The following MESD variants were observed in gnomAD, a reference collection of about 807,000 sequenced individuals.
MESD encodes LRP chaperone MESD.
MESD carries 7 observed loss-of-function variants against 12.9 expected under a neutral mutation model. That is an observed-to-expected ratio of 0.54 (90% CI 0.31 to 1.02). The LOEUF is 1.02. Among genes scored for constraint, MESD ranks in the 50% least tolerant of loss-of-function variants. MESD has a pLI of 0.05. For synonymous variants in MESD, 126 were observed against 115.6 expected (o/e 1.09, Z -0.58); for missense variants, 342 against 296.7 (o/e 1.15, Z -1.12).
At chr15:80,971,653 G>T (rs970609594), downstream of MESD, among the ~76,000 whole-genome samples, 3 of 151,938 alleles carry the variant, frequency 2.0e-5, no homozygotes, top group South Asian at 4.1e-4. Flanking sequence ...TCCAGCCAGG[G>T]TCTCACTCTG....
At position 80,979,380 on chromosome 15, in the gene MESD, C is replaced by G. The variant is rs1902512119; in HGVS notation, c.544G>C (p.Asp182His). The G allele has an allele frequency of 2.5e-6, 4 of 1,614,184 alleles. No individual in the cohort carries two copies. The highest frequency in any genetic ancestry group is 1.6e-4 in the Middle Eastern group (1 of 6,062). ...TACACCTGGCCCTCCAGAGTTACAT[C>G]AGCACACCTGTCTTGACCGACCAAA... ...DFLVGQDRCADVTLEGQVYPG... is the reference protein window; with the variant it reads ...DFLVGQDRCAHVTLEGQVYPG... Residue 182 changes from aspartate (D) to histidine (H), a missense_variant, in exon 3 of 3, where the codon GAT becomes CAT. By Grantham distance (81) the Asp-to-His change is moderately conservative. Transcript: ENST00000261758.
In MESD at chr15:80,979,204, G is replaced by A. The variant is rs531071150; in HGVS notation, c.*15C>T. 21 of 1,609,438 alleles carry A rather than the reference G, an allele frequency of 1.3e-5. No homozygotes were observed. Among genetic ancestry groups the A allele is most frequent in the Admixed American group, 5.0e-5 (3 of 59,588 alleles). On this transcript the variant is annotated 3_prime_UTR_variant, in exon 3 of 3. Coordinates refer to ENST00000261758, the MANE Select transcript of MESD (RefSeq NM_015154.3). Reference sequence around the variant, plus strand: ...ACGTCCACCTGTCCCCCCACAGCGCGTCACTGCTGCCCCATCACAGGTCTT... The same window carrying A: ...ACGTCCACCTGTCCCCCCACAGCGCATCACTGCTGCCCCATCACAGGTCTT...
downstream of MESD, among the ~76,000 whole-genome samples, chr15:80,975,215 A>G (rs924653198): frequency 6.7e-6 from 1 of 148,654 alleles, no homozygotes; most frequent in African/African-American, 2.5e-5. Context: ...CTCCAAAAAA[A>G]AAAAACAAAA....
chr15:80,970,063 G>T (rs140619787), intron 3 of MESD, among the ~76,000 whole-genome samples: 8 of 152,274 alleles, frequency 5.3e-5, no homozygotes, highest in African/African-American at 1.9e-4. Context: ...ATTTCCAAGA[G>T]AATTCAGAGA....
chr15:80,948,287 T>G, exon 5 of MESD: 1 of 205,100 alleles, frequency 4.9e-6, no homozygotes, highest in Non-Finnish European at 1.0e-5. Flanking sequence ...GGGTTTAGAG[T>G]TCTAATCTGG....
chr15:80,970,846 A>C (rs986847416), downstream of MESD, among the ~76,000 whole-genome samples: 1 of 152,200 alleles, frequency 6.6e-6, no homozygotes, highest in African/African-American at 2.4e-5. Flanking sequence ...AAAATGACTA[A>C]GAGGAAATGT....
At chr15:80,965,992 G>A (rs1251669835) in intron 3 of MESD, among the ~76,000 whole-genome samples, 5 of 152,112 alleles carry the variant, frequency 3.3e-5, no homozygotes, top group African/African-American at 1.2e-4. Context: ...TGGCTAAATT[G>A]AGGTATAGCC....
At position 80,978,956 on chromosome 15, in the gene MESD, C is replaced by G. The variant is rs1396706014; in HGVS notation, c.*263G>C. On this transcript the variant is annotated 3_prime_UTR_variant, in exon 3 of 3. Coordinates refer to ENST00000261758, the MANE Select transcript of MESD (RefSeq NM_015154.3). ...CAAGTGTAAATGGGAAAAAGCAACACAGTCACATTTCCATGTAAGGAGATT... is the reference window on the plus strand; with the variant it reads ...CAAGTGTAAATGGGAAAAAGCAACAGAGTCACATTTCCATGTAAGGAGATT... 1 of 510,130 alleles carries G rather than the reference C, an allele frequency of 2.0e-6. No individual in the cohort carries two copies. Among genetic ancestry groups the G allele is most frequent in the Non-Finnish European group, 3.4e-6 (1 of 290,338 alleles). The allele number at this position is 510,130 out of a possible 1,614,324, so 31.6% of individuals were successfully genotyped here. A position where few individuals can be genotyped will look rare whatever the true frequency, so the allele number is the denominator to read the frequency against.
At position 80,964,645 on chromosome 15, in the gene MESD, C is replaced by T. The variant is rs146408019; in HGVS notation, c.*289-12349G>A. ...ATAAACCAATGAAACAGAACAGAGG[C>T]CTGAGAAATAACACCACACATCTAC... On this transcript the variant is annotated intron_variant, in intron 3 of 4. Transcript: ENST00000561312. 2.4e-3 allele frequency among the ~76,000 whole-genome samples: 364 copies of T among 152,210 alleles called. 5 individuals are homozygous for T. The highest frequency in any genetic ancestry group is 0.013 in the South Asian group (63 of 4,822).
At chr15:80,964,064 T>C (rs2141793189) in intron 3 of MESD, among the ~76,000 whole-genome samples, 1 of 152,340 alleles carries the variant, frequency 6.6e-6, no homozygotes, top group Middle Eastern at 3.4e-3. Flanking sequence ...GACATGATTG[T>C]ATATCTAAAA....
chr15:80,986,532 A>G (rs1166725078), intron 1 of MESD, among the ~76,000 whole-genome samples: 1 of 152,244 alleles, frequency 6.6e-6, no homozygotes, highest in Non-Finnish European at 1.5e-5. Context: ...ATAAATATGT[A>G]TAATTATTAT....
At chr15:80,955,193 T>C (rs893427870) in intron 3 of MESD, among the ~76,000 whole-genome samples, 70 of 151,134 alleles carry the variant, frequency 4.6e-4, no homozygotes, top group African/African-American at 1.7e-3. Flanking sequence ...TGGTTAGAAA[T>C]GCCCAATCTC....
chr15:80,989,812 C>T lies in MESD; in HGVS notation c.-21G>A, dbSNP rs763416997. 16 of 1,545,790 alleles carry T rather than the reference C, an allele frequency of 1.0e-5. No homozygotes were observed. The highest frequency in any genetic ancestry group is 2.2e-4 in the Middle Eastern group (1 of 4,606). Reference sequence around the variant, plus strand: ...GCCATTTTCGCTGCGCCGCGCAGCGCCCTAGACGCGCTTACCCGACCTGCG... The same window carrying T: ...GCCATTTTCGCTGCGCCGCGCAGCGTCCTAGACGCGCTTACCCGACCTGCG... On this transcript the variant is annotated 5_prime_UTR_variant, in exon 1 of 3. Transcript: ENST00000261758.
intron 1 of MESD, among the ~76,000 whole-genome samples, chr15:80,983,603 G>T (rs192556562): frequency 1.8e-4 from 27 of 152,262 alleles, no homozygotes; most frequent in Non-Finnish European, 3.5e-4. Flanking sequence ...ACAGATTAAT[G>T]GATAAAAATA....
chr15:80,980,192 C>T (rs1009648566), intron 2 of MESD, among the ~76,000 whole-genome samples: 3 of 152,184 alleles, frequency 2.0e-5, no homozygotes, highest in African/African-American at 7.2e-5. Flanking sequence ...GCAGACATCA[C>T]CAAGACATTT....
intron 1 of MESD, among the ~76,000 whole-genome samples, chr15:80,986,358 G>A (rs1206713393): frequency 6.6e-6 from 1 of 152,120 alleles, no homozygotes; most frequent in African/African-American, 2.4e-5. Context: ...ATTGTAGGAT[G>A]ACTATAGTTA....
intron 3 of MESD, among the ~76,000 whole-genome samples, chr15:80,966,905 G>C (rs1902184499): frequency 6.6e-6 from 1 of 152,178 alleles, no homozygotes; most frequent in Non-Finnish European, 1.5e-5. Context: ...TTATTGGGCA[G>C]TTCCGCTGGT....
At chr15:80,971,105 G>T (rs949093576), downstream of MESD, among the ~76,000 whole-genome samples, 2 of 152,150 alleles carry the variant, frequency 1.3e-5, no homozygotes, top group Admixed American at 1.3e-4. Context: ...GAGCCTCACT[G>T]GAGGCTGGTC....
rs527657401 is a variant in MESD, at chr15:80,981,447, A to C, written c.446+503T>G. Among the ~76,000 whole-genome samples, 26 of 151,334 alleles carry C rather than the reference A, an allele frequency of 1.7e-4. 2 individuals are homozygous for C. In the South Asian group the frequency reaches 3.8e-3, roughly 22 times the overall value. ...GTGAGACTCCGTCTCAAAAAAAAAAAAAAAAAAAACAAACTAGATAGATAA... is the reference window on the plus strand; with the variant it reads ...GTGAGACTCCGTCTCAAAAAAAAAACAAAAAAAAACAAACTAGATAGATAA... On this transcript the variant is annotated intron_variant, in intron 2 of 2. Transcript: ENST00000261758.
Sources: allele counts gnomAD v4.1 joint callset (sites outside exome capture counted in the v4.1 genomes callset), GRCh38; gene constraint gnomAD v4.1.1; transcripts MANE v1.5; gene names NCBI Gene and HGNC (gene_info 2026-07-23, HGNC 2026-07-21).